Variants in ESR1 observed in about 807,000 individuals in gnomAD.
ESR1 encodes the protein estrogen receptor.
A neutral mutation model predicts 52.7 loss-of-function variants in ESR1; 12 were observed. The ratio of observed to expected loss-of-function variants is 0.23; its 90% confidence interval spans 0.15 to 0.37. The LOEUF is 0.37. Among genes scored for constraint, ESR1 ranks in the 10% least tolerant of loss-of-function variants. The pLI, the probability that ESR1 is intolerant of heterozygous loss-of-function variation, is 1.00. For synonymous variants in ESR1, 305 were observed against 316.8 expected (o/e 0.96, Z 0.39); for missense variants, 584 against 779.7 (o/e 0.75, Z 2.99).
intron 6 of ESR1, among the ~76,000 whole-genome samples, chr6:152,084,015 A>G (rs904376563): frequency 6.6e-6 from 1 of 152,212 alleles, no homozygotes; most frequent in Non-Finnish European, 1.5e-5. Context: ...AAGACTTGGA[A>G]CCAACCCAAA....
At chr6:152,057,045 C>A (rs1296745800) in intron 5 of ESR1, among the ~76,000 whole-genome samples, 1 of 152,036 alleles carries the variant, frequency 6.6e-6, no homozygotes, top group African/African-American at 2.4e-5. Context: ...TCTGATTTGC[C>A]CCTTGAAGTT....
chr6:151,902,982 C>G (rs2128412202), intron 3 of ESR1, among the ~76,000 whole-genome samples: 1 of 152,308 alleles, frequency 6.6e-6, no homozygotes, highest in East Asian at 1.9e-4. Context: ...TAGCCTCCCT[C>G]TAATCCTGGC....
intron 4 of ESR1, among the ~76,000 whole-genome samples, chr6:151,965,213 C>T (rs1193081584): frequency 6.6e-6 from 1 of 152,182 alleles, no homozygotes; most frequent in Non-Finnish European, 1.5e-5. Context: ...TATGCAGTGA[C>T]TGTCTTTCCA....
chr6:151,832,798 A>G (rs1252119110), intron 1 of ESR1, among the ~76,000 whole-genome samples: 2 of 152,178 alleles, frequency 1.3e-5, no homozygotes, highest in Non-Finnish European at 2.9e-5. Flanking sequence ...CATACTCTTG[A>G]AAAGCTTAGT....
At chr6:151,768,558 G>A (rs540577110) in intron 2 of ESR1, among the ~76,000 whole-genome samples, 1 of 152,244 alleles carries the variant, frequency 6.6e-6, no homozygotes, top group African/African-American at 2.4e-5. Flanking sequence ...CTGTACCTAT[G>A]TGAATTTCCT....
At chr6:151,937,805 T>G (rs1209945948) in intron 3 of ESR1, among the ~76,000 whole-genome samples, 4 of 152,198 alleles carry the variant, frequency 2.6e-5, no homozygotes, top group African/African-American at 9.6e-5. Flanking sequence ...ACAGAGACTT[T>G]GGAGGCAGAT....
intron 1 of ESR1, among the ~76,000 whole-genome samples, chr6:151,682,591 T>C (rs1479585643): frequency 6.6e-6 from 1 of 152,242 alleles, no homozygotes; most frequent in African/African-American, 2.4e-5. Flanking sequence ...GGGGGCTAAT[T>C]TGAAAAGGAA....
chr6:151,891,531 T>G (rs1794698660), intron 3 of ESR1, among the ~76,000 whole-genome samples: 1 of 152,172 alleles, frequency 6.6e-6, no homozygotes. Context: ...TGGGTAGTTT[T>G]TAGAGCTGAA....
At chr6:152,020,071 G>A (rs2043500037) in intron 5 of ESR1, among the ~76,000 whole-genome samples, 1 of 152,186 alleles carries the variant, frequency 6.6e-6, no homozygotes, top group South Asian at 2.1e-4. Context: ...GCCCTCACCA[G>A]CCTCTCATCA....
intron 3 of ESR1, among the ~76,000 whole-genome samples, chr6:151,893,603 T>G (rs1376620394): frequency 6.6e-6 from 1 of 152,178 alleles, no homozygotes; most frequent in Non-Finnish European, 1.5e-5. Flanking sequence ...ATACCCCAAA[T>G]AGTATTTCAA....
chr6:151,744,795 G>T (rs571475123), intron 2 of ESR1, among the ~76,000 whole-genome samples: 13 of 152,272 alleles, frequency 8.5e-5, no homozygotes, highest in Admixed American at 8.5e-4. Context: ...CTAATCCTGG[G>T]TCAGGAGACT....
chr6:151,950,912 G>T (rs2036254584), intron 4 of ESR1, among the ~76,000 whole-genome samples: 2 of 151,458 alleles, frequency 1.3e-5, no homozygotes, highest in Admixed American at 6.6e-5. Context: ...TATTTTTGAG[G>T]CAAAAGAAAT....
chr6:151,694,747 A>G (rs1779201425), intron 1 of ESR1, among the ~76,000 whole-genome samples: 1 of 152,070 alleles, frequency 6.6e-6, no homozygotes, highest in African/African-American at 2.4e-5. Context: ...AGATTGTGCC[A>G]TTGAACTCCC....
chr6:151,783,751 T>A (rs1786766215), intron 2 of ESR1, among the ~76,000 whole-genome samples: 1 of 152,168 alleles, frequency 6.6e-6, no homozygotes, highest in African/African-American at 2.4e-5. Context: ...TAATTCATGC[T>A]TTATTCCAGT....
At chr6:152,063,657 A>T (rs1307160177) in intron 6 of ESR1, among the ~76,000 whole-genome samples, 1 of 152,224 alleles carries the variant, frequency 6.6e-6, no homozygotes, top group East Asian at 1.9e-4. Flanking sequence ...TTTTTCTAAA[A>T]GTCCAACTGA....
chr6:152,043,602 C>G (rs1049505394), intron 5 of ESR1, among the ~76,000 whole-genome samples: 13 of 152,156 alleles, frequency 8.5e-5, no homozygotes, highest in African/African-American at 2.4e-4. Flanking sequence ...GCAACTGCCT[C>G]AAGGGAGGTC....
intron 6 of ESR1, among the ~76,000 whole-genome samples, chr6:152,076,438 G>A (rs910187354): frequency 5.3e-5 from 8 of 152,148 alleles, no homozygotes; most frequent in African/African-American, 1.4e-4. Context: ...TCAGCAGCAC[G>A]AAAATGGACT....
At chr6:151,997,812 G>T (rs912135738) in intron 4 of ESR1, among the ~76,000 whole-genome samples, 1 of 152,046 alleles carries the variant, frequency 6.6e-6, no homozygotes, top group African/African-American at 2.4e-5. Flanking sequence ...AAAAAACACA[G>T]AAATAAAAGA....
In ESR1 at chr6:151,703,517, A is replaced by G. The variant is rs371951012; in HGVS notation, c.-71+1512A>G. On this transcript the variant is annotated intron_variant, in intron 2 of 2. Coordinates refer to the ESR1 transcript ENST00000404742. Reference sequence around the variant, plus strand: ...CTGTGAATGAGCTCTCCTGTGAATCACAGAAATGTTAATGGGTGAGCTGCT... The same window carrying G: ...CTGTGAATGAGCTCTCCTGTGAATCGCAGAAATGTTAATGGGTGAGCTGCT... Among the ~76,000 whole-genome samples the G allele has an allele frequency of 2.0e-5, 3 of 152,174 alleles. No individual in the cohort carries two copies. The East Asian group carries it at 5.8e-4, about 29-fold the overall frequency.
Sources: allele counts gnomAD v4.1 joint callset (sites outside exome capture counted in the v4.1 genomes callset), GRCh38; gene constraint gnomAD v4.1.1; transcripts MANE v1.5; gene names NCBI Gene and HGNC (gene_info 2026-07-23, HGNC 2026-07-21).